Variants in FHOD3 observed in about 807,000 individuals in gnomAD.
The protein encoded by FHOD3 is formin homology 2 domain containing 3.
A neutral mutation model predicts 173.0 loss-of-function variants in FHOD3; 90 were observed. The observed-to-expected ratio is 0.52, with a 90% confidence interval of 0.44 to 0.62. FHOD3 has a LOEUF of 0.62. Ranked by LOEUF, FHOD3 falls within the 20% of genes least tolerant of loss-of-function variation. The pLI is 0.00. For missense variants in FHOD3, 1,945 were observed against 2,034.7 expected (o/e 0.96, Z 0.85); for synonymous variants, 828 against 823.0 (o/e 1.01, Z -0.10).
At chr18:36,443,265 G>T (rs951503115) in intron 3 of FHOD3, among the ~76,000 whole-genome samples, 12 of 152,140 alleles carry the variant, frequency 7.9e-5, no homozygotes, top group Admixed American at 2.6e-4. Flanking sequence ...TTACTGTAGT[G>T]TTTGCCAAAT....
intron 5 of FHOD3, among the ~76,000 whole-genome samples, chr18:36,524,628 A>G (rs1239812258): frequency 6.6e-6 from 1 of 152,090 alleles, no homozygotes; most frequent in Non-Finnish European, 1.5e-5. Flanking sequence ...CATTCCCAAC[A>G]TGGTCCACAC....
chr18:36,509,865 C>T lies in FHOD3; in HGVS notation c.406-2573C>T, dbSNP rs568025710. 1.2e-4 allele frequency among the ~76,000 whole-genome samples: 18 copies of T among 152,290 alleles called. No homozygotes were observed. The East Asian group carries it at 2.1e-3, about 18-fold the overall frequency. Reference sequence around the variant, plus strand: ...TTAAGCAAATATTTTTGAGCAGCCTCGTTGGCACCATGTAGGCAAGGAAGA... The same window carrying T: ...TTAAGCAAATATTTTTGAGCAGCCTTGTTGGCACCATGTAGGCAAGGAAGA... On this transcript the variant is annotated intron_variant, in intron 4 of 28. Coordinates refer to ENST00000590592, the MANE Select transcript of FHOD3 (RefSeq NM_001281740.3).
At chr18:36,455,569 C>A (rs534179068) in intron 3 of FHOD3, among the ~76,000 whole-genome samples, 1 of 116,518 alleles carries the variant, frequency 8.6e-6, no homozygotes, top group Non-Finnish European at 1.7e-5. Context: ...TTCATTAAAC[C>A]TTTAATTAAA....
intron 1 of FHOD3, among the ~76,000 whole-genome samples, chr18:36,303,292 A>G (rs550900581): frequency 6.6e-6 from 1 of 152,172 alleles, no homozygotes; most frequent in African/African-American, 2.4e-5. Context: ...TTTCCTCCAA[A>G]TCCTATTGTT....
intron 1 of FHOD3, among the ~76,000 whole-genome samples, chr18:36,329,658 C>T (rs1476086071): frequency 6.6e-6 from 1 of 152,092 alleles, no homozygotes; most frequent in African/African-American, 2.4e-5. Context: ...ACATGAGTTT[C>T]AGCTGTGAAG....
intron 5 of FHOD3, among the ~76,000 whole-genome samples, chr18:36,573,462 T>G (rs1348352748): frequency 6.9e-6 from 1 of 145,420 alleles, no homozygotes; most frequent in African/African-American, 2.5e-5. Flanking sequence ...AAAAAATAGC[T>G]TGGTGTGGTG....
At chr18:36,487,992 A>G (rs1056828580) in intron 3 of FHOD3, among the ~76,000 whole-genome samples, 18 of 152,226 alleles carry the variant, frequency 1.2e-4, no homozygotes, top group African/African-American at 4.3e-4. Flanking sequence ...ATGCCAGTAT[A>G]TATTATTTTA....
chr18:36,563,359 A>C (rs558935153), intron 5 of FHOD3, among the ~76,000 whole-genome samples: 1 of 152,322 alleles, frequency 6.6e-6, no homozygotes, highest in East Asian at 1.9e-4. Context: ...AGTGCCAGAC[A>C]CTTCATAATA....
intron 3 of FHOD3, among the ~76,000 whole-genome samples, chr18:36,459,941 GCTGTGACAGTTTCTCAGA>G (rs969806090): frequency 2.4e-4 from 36 of 152,200 alleles, no homozygotes; most frequent in African/African-American, 8.2e-4. Flanking sequence ...GCTCTTCTTG[GCTGTGACAGTTTCTCAGA>G]CTTTCCTTGT....
intron 1 of FHOD3, among the ~76,000 whole-genome samples, chr18:36,309,985 A>G (rs573183559): frequency 2.6e-5 from 4 of 152,200 alleles, no homozygotes; most frequent in Non-Finnish European, 5.9e-5. Flanking sequence ...TGACCAATGC[A>G]CTGTAATCAC....
chr18:36,500,969 G>T (rs1449423482), intron 3 of FHOD3, among the ~76,000 whole-genome samples: 2 of 152,138 alleles, frequency 1.3e-5, no homozygotes, highest in African/African-American at 2.4e-5. Context: ...AACCAGAACA[G>T]GACTCCCTCC....
chr18:36,495,700 C>G lies in FHOD3; in HGVS notation c.338-6232C>G, dbSNP rs144433484. Among the ~76,000 whole-genome samples, 6 of 152,292 alleles carry G rather than the reference C, an allele frequency of 3.9e-5. No homozygotes were observed. In the South Asian group the frequency reaches 6.2e-4, roughly 16 times the overall value. On this transcript the variant is annotated intron_variant, in intron 3 of 28. Transcript: ENST00000590592. ...AGCTGGAGGGTCAGTGGACCTGCAA[C>G]TAGGCTGTGCCAACCACAGATTGAA...
chr18:36,707,414 C>T (rs1019499406), intron 17 of FHOD3, among the ~76,000 whole-genome samples: 6 of 152,222 alleles, frequency 3.9e-5, no homozygotes, highest in Admixed American at 1.3e-4. Flanking sequence ...AAATTCCTAC[C>T]TGGCACTTGG....
chr18:36,621,778 A>G (rs2033730066), intron 9 of FHOD3, among the ~76,000 whole-genome samples: 1 of 152,234 alleles, frequency 6.6e-6, no homozygotes, highest in Admixed American at 6.5e-5. Flanking sequence ...AAGTTAAAGA[A>G]AAAAACTGTT....
chr18:36,581,681 C>T (rs950699952), intron 6 of FHOD3, among the ~76,000 whole-genome samples: 1 of 152,232 alleles, frequency 6.6e-6, no homozygotes, highest in African/African-American at 2.4e-5. Context: ...CGCACGTACA[C>T]ACACATACAT....
At chr18:36,474,133 T>C (rs772405115) in intron 3 of FHOD3, among the ~76,000 whole-genome samples, 1 of 149,818 alleles carries the variant, frequency 6.7e-6, no homozygotes, top group African/African-American at 2.6e-5. Context: ...TTATGCATCA[T>C]AGAACAGTAA....
At chr18:36,730,892 G>A in intron 20 of FHOD3, 88 bp downstream of exon 20, 1 of 1,390,048 alleles carries the variant, frequency 7.2e-7, no homozygotes, top group Admixed American at 2.0e-5. Flanking sequence ...AAAGATCCAT[G>A]GTGCCTTTCT....
intron 3 of FHOD3, among the ~76,000 whole-genome samples, chr18:36,429,157 G>A (rs1432150798): frequency 6.6e-6 from 1 of 152,208 alleles, no homozygotes; most frequent in African/African-American, 2.4e-5. Flanking sequence ...CAGGAAGTCT[G>A]GCAGAGTAGC....
chr18:36,630,869 G>T (rs952809344), intron 10 of FHOD3, among the ~76,000 whole-genome samples: 1 of 152,236 alleles, frequency 6.6e-6, no homozygotes, highest in African/African-American at 2.4e-5. Context: ...TTTCACAGAA[G>T]TCCTCATTCT....
Sources: gnomAD v4.1 joint callset for allele counts (sites outside exome capture counted in the v4.1 genomes callset) on GRCh38, gnomAD v4.1.1 for gene constraint, MANE v1.5 for transcripts, NCBI Gene and HGNC (gene_info 2026-07-23, HGNC 2026-07-21) for gene names.